Variants in PAK4 observed in about 807,000 individuals in gnomAD.
PAK4 encodes the protein serine/threonine-protein kinase PAK 4.
PAK4 carries 49 observed loss-of-function variants against 53.5 expected under a neutral mutation model. The observed-to-expected ratio is 0.92, with a 90% confidence interval of 0.73 to 1.16. The LOEUF is 1.16. Among genes scored for constraint, PAK4 ranks in the 50% most tolerant of loss-of-function variants. The probability of loss-of-function intolerance (pLI) is 0.00; values close to 1 mark genes in which losing one functional copy is unlikely to be tolerated. For missense variants in PAK4, 824 were observed against 850.7 expected, an observed-to-expected ratio of 0.97 and a Z score of 0.39; for synonymous variants, 376 against 375.6, an observed-to-expected ratio of 1.00 and a Z score of -0.01.
chr19:39,166,347 G>A (rs938999141), intron 1 of PAK4, among the ~76,000 whole-genome samples: 9 of 152,390 alleles, frequency 5.9e-5, no homozygotes, highest in African/African-American at 2.2e-4. Context: ...GGGAGGCTGA[G>A]GCAGGAGAAT....
intron 1 of PAK4, among the ~76,000 whole-genome samples, chr19:39,162,706 C>A (rs2074304753): frequency 6.6e-6 from 1 of 152,192 alleles, no homozygotes; most frequent in Non-Finnish European, 1.5e-5. Context: ...TGCCTCCTTC[C>A]TTCTAGAATG....
chr19:39,148,108 C>T (rs927932984), intron 1 of PAK4, among the ~76,000 whole-genome samples: 32 of 151,664 alleles, frequency 2.1e-4, no homozygotes, highest in African/African-American at 7.0e-4. Context: ...TGTGCCACCA[C>T]GTCCAGCTAA....
intron 1 of PAK4, among the ~76,000 whole-genome samples, chr19:39,134,725 G>A (rs2073778673): frequency 6.7e-6 from 1 of 149,626 alleles, no homozygotes; most frequent in Non-Finnish European, 1.5e-5. Context: ...TCAGCCTCCC[G>A]AGTAACTGGG....
At chr19:39,174,933 G>A (rs773120400) in exon 5 of PAK4, 3 of 1,613,754 alleles carry the variant, frequency 1.9e-6, no homozygotes, top group Non-Finnish European at 2.5e-6. Flanking sequence ...CTGCACAGGT[G>A]GTAATCATGA....
Position 39,178,631 on chromosome 19 carries a change from C to T in PAK4, c.*52C>T. On this transcript the variant is annotated 3_prime_UTR_variant, in exon 9 of 9. Transcript: ENST00000358301. The surrounding 1 kb of genome is among the most constrained non-coding windows in gnomAD (Gnocchi z 4.4). ...AGAGCCCCCCGGGTCACCCCCGCCCCACTGAGGCCAGTAGGGGGCCAGGCC... is the reference window on the plus strand; with the variant it reads ...AGAGCCCCCCGGGTCACCCCCGCCCTACTGAGGCCAGTAGGGGGCCAGGCC... 6.7e-7 allele frequency: 1 copy of T among 1,491,848 alleles called. No individual in the cohort carries two copies. The highest frequency in any genetic ancestry group is 9.1e-7 in the Non-Finnish European group (1 of 1,102,656). The allele number at this position is 1,491,848 out of a possible 1,614,324, so 92.4% of individuals were successfully genotyped here.
intron 2 of PAK4, among the ~76,000 whole-genome samples, chr19:39,172,712 C>T (rs556359304): frequency 2.6e-5 from 4 of 152,138 alleles, no homozygotes; most frequent in African/African-American, 4.8e-5. Context: ...CTGGCCATGG[C>T]GATCACTCCT....
intron 1 of PAK4, among the ~76,000 whole-genome samples, chr19:39,145,390 C>T (rs940463533): frequency 1.3e-5 from 2 of 152,210 alleles, no homozygotes; most frequent in Non-Finnish European, 2.9e-5. Context: ...TGAGATTTCT[C>T]TGGGTGGAGT....
intron 7 of PAK4, 79 bp downstream of exon 8, chr19:39,176,794 T>G: frequency 6.5e-7 from 1 of 1,544,054 alleles, no homozygotes; most frequent in Non-Finnish European, 8.8e-7. Context: ...TGGCGGGAGA[T>G]GGGGCCCAGT....
intron 1 of PAK4, among the ~76,000 whole-genome samples, chr19:39,145,497 G>A (rs576609601): frequency 6.6e-6 from 1 of 151,924 alleles, no homozygotes; most frequent in Admixed American, 6.5e-5. Context: ...GGGGGCCCCA[G>A]GAGGACGCTC....
chr19:39,181,918 A>T (rs1046263157), downstream of PAK4: 1 of 152,088 alleles, frequency 6.6e-6, no homozygotes, highest in African/African-American at 2.4e-5. Context: ...CGGTTCTCAC[A>T]GTGTGGTTCC....
chr19:39,179,396 CTTG>C (rs1226101527), exon 9 of PAK4: 1 of 134,726 alleles, frequency 7.4e-6, no homozygotes, highest in Non-Finnish European at 1.6e-5. Flanking sequence ...AAAACATTGT[CTTG>C]TTTTGTGTCT....
chr19:39,154,686 C>T (rs1043674474), intron 1 of PAK4, among the ~76,000 whole-genome samples: 1 of 152,206 alleles, frequency 6.6e-6, no homozygotes, highest in Non-Finnish European at 1.5e-5. Context: ...TTTCCTGTGG[C>T]TGTCCAGAGC....
chr19:39,128,492 TAAAG>T (rs2073634058), intron 1 of PAK4, among the ~76,000 whole-genome samples: 1 of 152,160 alleles, frequency 6.6e-6, no homozygotes, highest in Admixed American at 6.5e-5. Flanking sequence ...TTGGCACAGA[TAAAG>T]AAGGATAGGG....
intron 7 of PAK4, 60 bp from the exon 9 acceptor site, chr19:39,177,615 C>T: frequency 6.5e-7 from 1 of 1,543,150 alleles, no homozygotes; most frequent in Admixed American, 1.9e-5. Flanking sequence ...CTGCCTGAGG[C>T]CTCCCCAGGA....
At chr19:39,148,241 C>T (rs911037950) in intron 1 of PAK4, among the ~76,000 whole-genome samples, 2 of 151,562 alleles carry the variant, frequency 1.3e-5, no homozygotes, top group African/African-American at 4.9e-5. Flanking sequence ...CGTGAGCCAC[C>T]GTGCCTGGCG....
chr19:39,136,651 C>T (rs530593730), intron 1 of PAK4, among the ~76,000 whole-genome samples: 7 of 152,306 alleles, frequency 4.6e-5, no homozygotes, highest in Non-Finnish European at 8.8e-5. Context: ...CCCGGCATAA[C>T]GTAGCCTCAG....
At chr19:39,145,669 A>G (rs1270767816) in intron 1 of PAK4, among the ~76,000 whole-genome samples, 2 of 152,156 alleles carry the variant, frequency 1.3e-5, no homozygotes, top group African/African-American at 2.4e-5. Flanking sequence ...TGTAAGGTGT[A>G]ATGGGGCGCT....
At position 39,173,749 on chromosome 19, in the gene PAK4, CG is replaced by C. The variant is rs753421141; in HGVS notation, c.838del (p.Ala280ProfsTer89). The C allele has an allele frequency of 1.3e-6, 2 of 1,580,682 alleles. No homozygotes were observed. Among genetic ancestry groups the C allele is most frequent in the Non-Finnish European group, 1.7e-6 (2 of 1,165,756 alleles). On this transcript the variant is annotated frameshift_variant, in exon 4 of 9. Transcript: ENST00000358301. LOFTEE classifies it high-confidence loss of function. This position sits in a 1 kb window ranked among gnomAD's most constrained non-coding sequence, Gnocchi z 6.9. ...TGGCCCCTCCAGCCTGCACCCCCGC[CG>C]CCCCTGCTGTTCCTGGGCCCCCTGG...
In PAK4 at chr19:39,175,909, G is replaced by A. The variant is rs1383051670; in HGVS notation, c.1359+471G>A. Among the ~76,000 whole-genome samples the A allele has an allele frequency of 3.3e-5, 5 of 152,208 alleles. No homozygotes were observed. The highest frequency in any genetic ancestry group is 9.6e-5 in the African/African-American group (4 of 41,456). ...GAATGAAATGCTTGCAGAAGTGGAT[G>A]ACTCCATCCCCTCCCCCAAGGAAGA... On this transcript the variant is annotated intron_variant, in intron 6 of 8. Coordinates refer to ENST00000358301, the Ensembl canonical transcript of PAK4. This position sits in a 1 kb window ranked among gnomAD's most constrained non-coding sequence, Gnocchi z 4.7.
Sources: gnomAD v4.1 joint callset for allele counts (sites outside exome capture counted in the v4.1 genomes callset) on GRCh38, gnomAD v4.1.1 for gene constraint, Gnocchi (gnomAD v3.1) non-coding constraint, MANE v1.5 for transcripts, NCBI Gene and HGNC (gene_info 2026-07-23, HGNC 2026-07-21) for gene names.